Variants in SORCS3 observed in about 807,000 individuals in gnomAD.
The protein encoded by SORCS3 is VPS10 domain-containing receptor SorCS3.
SORCS3 carries 57 observed loss-of-function variants against 146.3 expected under a neutral mutation model. The observed-to-expected ratio is 0.39, with a 90% CI of 0.31 to 0.49. The LOEUF (loss-of-function observed/expected upper bound fraction) is 0.49, where lower values mean the gene tolerates loss of function less well. SORCS3 is among the 20% of genes least tolerant of loss of function. SORCS3 has a pLI of 0.92. For missense variants in SORCS3, 1,341 were observed against 1,575.5 expected (o/e 0.85, Z 2.52); for synonymous variants, 653 against 618.5 (o/e 1.06, Z -0.83).
intron 20 of SORCS3, among the ~76,000 whole-genome samples, chr10:105,238,869 C>T (rs758649872): frequency 3.9e-5 from 6 of 152,134 alleles, no homozygotes; most frequent in Non-Finnish European, 7.4e-5. Flanking sequence ...TTACTACCTT[C>T]AACTATTTAT....
At chr10:105,019,742 A>G (rs2055188136) in intron 4 of SORCS3, among the ~76,000 whole-genome samples, 1 of 152,228 alleles carries the variant, frequency 6.6e-6, no homozygotes, top group Admixed American at 6.5e-5. Context: ...CATAAGAATC[A>G]TGTTGGAGAG....
chr10:105,248,933 G>A (rs142216158), intron 22 of SORCS3, among the ~76,000 whole-genome samples: 1,805 of 152,266 alleles, frequency 0.012, 27 homozygotes, highest in Admixed American at 0.032. Flanking sequence ...ATTTCAGTAA[G>A]AGAATAGGTT....
At chr10:105,207,089 C>T (rs140326307) in intron 16 of SORCS3, among the ~76,000 whole-genome samples, 2 of 152,070 alleles carry the variant, frequency 1.3e-5, no homozygotes, top group Admixed American at 6.6e-5. Context: ...AGTGGGTGCC[C>T]TATGGGATTG....
At chr10:105,191,782 T>C (rs1484239) in intron 14 of SORCS3, among the ~76,000 whole-genome samples, 51,085 of 151,962 alleles carry the variant, frequency 0.34, 8,730 homozygotes, top group South Asian at 0.48. Flanking sequence ...GTAGGGTTCA[T>C]GCTCCTGTGA....
rs545226069 is a variant in SORCS3, at chr10:105,198,267, T to C, written c.2010-1732T>C. Among the ~76,000 whole-genome samples the C allele has an allele frequency of 2.0e-5, 3 of 152,296 alleles. No individual in the cohort carries two copies. In the South Asian group the frequency reaches 6.2e-4, roughly 32 times the overall value. The stretch of plus-strand genomic sequence containing the variant: ...AACAGAAATATATGGTTTAGCATCA[T>C]TAACATCCTGCACTAGTAAGTCTTC... On this transcript the variant is annotated intron_variant, in intron 14 of 26. Coordinates refer to ENST00000369701, the MANE Select transcript of SORCS3 (RefSeq NM_014978.3).
intron 3 of SORCS3, among the ~76,000 whole-genome samples, chr10:104,962,053 T>C (rs1415998388): frequency 1.3e-5 from 2 of 152,010 alleles, no homozygotes; most frequent in Non-Finnish European, 2.9e-5. Context: ...TTCAAATATA[T>C]TTAAACATAA....
intron 1 of SORCS3, among the ~76,000 whole-genome samples, chr10:104,802,162 G>T (rs1172513733): frequency 6.6e-6 from 1 of 152,150 alleles, no homozygotes; most frequent in Non-Finnish European, 1.5e-5. Context: ...TAATGACCTA[G>T]AATTTAACAA....
Position 105,089,832 on chromosome 10 carries a change from G to A in SORCS3, c.1086G>A (p.Thr362=), listed in dbSNP as rs749322256. The A allele has an allele frequency of 1.3e-5, 21 of 1,613,714 alleles. No homozygotes were observed. Among genetic ancestry groups the A allele is most frequent in the Middle Eastern group, 1.6e-4 (1 of 6,080 alleles). The change falls in exon 6 of 27, where the codon ACG becomes ACA. Residue 362 remains threonine, a synonymous_variant. Coordinates refer to ENST00000369701, the MANE Select transcript of SORCS3 (RefSeq NM_014978.3). ...ADLVHMEVRT[T]DGYAHYLTCR... ...TGGTGCACATGGAGGTGCGGACCAC[G>A]GATGGATGTGAGTTCTGCTACAGCC...
At chr10:104,858,859 G>A (rs1589526100) in intron 2 of SORCS3, among the ~76,000 whole-genome samples, 1 of 149,832 alleles carries the variant, frequency 6.7e-6, no homozygotes, top group Non-Finnish European at 1.5e-5. Context: ...CTGACCTCGT[G>A]ATCCGCCCCC....
chr10:105,107,269 A>G (rs1234545635), intron 7 of SORCS3, among the ~76,000 whole-genome samples: 1 of 147,544 alleles, frequency 6.8e-6, no homozygotes, highest in Non-Finnish European at 1.5e-5. Flanking sequence ...TTCCATTCTC[A>G]TTGTTATGGT....
intron 5 of SORCS3, among the ~76,000 whole-genome samples, chr10:105,070,528 A>G (rs997313864): frequency 2.0e-5 from 3 of 152,208 alleles, no homozygotes; most frequent in Non-Finnish European, 4.4e-5. Context: ...ACAGCTTCCC[A>G]GCCTGTGATC....
At chr10:104,719,104 T>A (rs2016513275) in intron 1 of SORCS3, among the ~76,000 whole-genome samples, 1 of 152,196 alleles carries the variant, frequency 6.6e-6, no homozygotes, top group African/African-American at 2.4e-5. Flanking sequence ...TTATATATAT[T>A]TTTCATACTA....
chr10:104,829,899 T>A (rs2017981714), intron 1 of SORCS3, among the ~76,000 whole-genome samples: 1 of 152,124 alleles, frequency 6.6e-6, no homozygotes, highest in African/African-American at 2.4e-5. Flanking sequence ...TTGATTTTAA[T>A]TTTATTTTAA....
chr10:104,903,140 C>T (rs566911668), intron 2 of SORCS3, among the ~76,000 whole-genome samples: 21 of 152,304 alleles, frequency 1.4e-4, no homozygotes, highest in African/African-American at 4.3e-4. Flanking sequence ...TTAACGTCTC[C>T]GAGTCTGTTT....
intron 3 of SORCS3, among the ~76,000 whole-genome samples, chr10:104,974,688 C>T (rs2054883804): frequency 6.6e-6 from 1 of 152,074 alleles, no homozygotes; most frequent in South Asian, 2.1e-4. Flanking sequence ...GCATTTAGTC[C>T]ATTTACATTT....
At chr10:104,865,017 G>A (rs1466201304) in intron 2 of SORCS3, among the ~76,000 whole-genome samples, 1 of 152,174 alleles carries the variant, frequency 6.6e-6, no homozygotes. Context: ...TTCCAGGCTG[G>A]TCAGTCTCTC....
chr10:105,217,916 G>C, intron 19 of SORCS3: 1 of 453,982 alleles, frequency 2.2e-6, no homozygotes, highest in Non-Finnish European at 4.4e-6. Context: ...ATATTCGTGG[G>C]TCTAAGGACT....
In SORCS3 at chr10:104,915,044, G is replaced by T. The variant is rs1433223827; in HGVS notation, c.696-789G>T. On this transcript the variant is annotated intron_variant, in intron 2 of 26. Coordinates refer to ENST00000369701, the MANE Select transcript of SORCS3 (RefSeq NM_014978.3). ...GACAGGTGAACAGTATGGCAGGGAG[G>T]TCAACTACTTGAATCCCACTGTTTG... Among the ~76,000 whole-genome samples the T allele has an allele frequency of 2.6e-5, 4 of 152,216 alleles. No homozygotes were observed. The East Asian group carries it at 7.7e-4, about 29-fold the overall frequency.
chr10:105,213,720 T>A (rs1035651045), intron 17 of SORCS3, among the ~76,000 whole-genome samples: 1 of 152,130 alleles, frequency 6.6e-6, no homozygotes, highest in Non-Finnish European at 1.5e-5. Context: ...CAGAAGGTCA[T>A]AGTGCTTTGT....
Sources: gnomAD v4.1 joint callset for allele counts (sites outside exome capture counted in the v4.1 genomes callset) on GRCh38, gnomAD v4.1.1 for gene constraint, MANE v1.5 for transcripts, NCBI Gene and HGNC (gene_info 2026-07-23, HGNC 2026-07-21) for gene names.